Variants in LRRC34 observed in about 807,000 individuals in gnomAD.
The protein encoded by LRRC34 is leucine rich repeat containing 34, also known as leucine-rich repeat-containing protein 34.
A neutral mutation model predicts 48.5 loss-of-function variants in LRRC34; 44 were observed. The ratio of observed to expected loss-of-function variants is 0.91; its 90% CI spans 0.71 to 1.17. The LOEUF is 1.17. LRRC34 is among the 50% of genes most tolerant of loss of function. The pLI is 0.00. For synonymous variants in LRRC34, 192 were observed against 197.6 expected, an observed-to-expected ratio of 0.97 and a Z score of 0.24; for missense variants, 502 against 563.0, an observed-to-expected ratio of 0.89 and a Z score of 1.10.
At chr3:169,795,650 T>A (rs1374334838) in intron 9 of LRRC34, 39 bp from the exon 10 acceptor site, 1 of 1,590,932 alleles carries the variant, frequency 6.3e-7, no homozygotes, top group Non-Finnish European at 8.6e-7. Flanking sequence ...ATACAAAAAT[T>A]AGCAACATTT....
At position 169,808,257 on chromosome 3, in the gene LRRC34, T is replaced by G. The variant is rs193287487; in HGVS notation, c.257+371A>C. Reference sequence around the variant, plus strand: ...TGAACCCAGGAGGCTGAGTTTGCAGTGAGCCGAGATCACGCCACTGCACTC... The same window carrying G: ...TGAACCCAGGAGGCTGAGTTTGCAGGGAGCCGAGATCACGCCACTGCACTC... On this transcript the variant is annotated intron_variant, in intron 2 of 10. Transcript: ENST00000446859. Among the ~76,000 whole-genome samples the G allele has an allele frequency of 2.3e-4, 33 of 144,256 alleles. No homozygotes were observed. The East Asian group carries it at 6.4e-3, about 28-fold the overall frequency. 94.6% of individuals were successfully genotyped at this position (144,256 alleles called of 152,430 possible).
Position 169,812,380 on chromosome 3 carries a change from G to A in LRRC34, c.139+30C>T, listed in dbSNP as rs930668043. Reference sequence around the variant, plus strand: ...CCCCTCGCGCGTTTTGTCTGGGCCAGGCCGCGCAGACGTGCTCCCTACTTC... The same window carrying A: ...CCCCTCGCGCGTTTTGTCTGGGCCAAGCCGCGCAGACGTGCTCCCTACTTC... On this transcript the variant is annotated intron_variant, in intron 1 of 10. Coordinates refer to ENST00000446859, the MANE Select transcript of LRRC34 (RefSeq NM_001172779.2). This position sits in a 1 kb window ranked among gnomAD's most constrained non-coding sequence, Gnocchi z 4.3. 2.5e-5 allele frequency: 38 copies of A among 1,519,112 alleles called. No homozygotes were observed. The African/African-American group carries it at 5.0e-4, about 20-fold the overall frequency. 94.1% of individuals were successfully genotyped at this position (1,519,112 alleles called of 1,614,324 possible). A position where few individuals can be genotyped will look rare whatever the true frequency, so the allele number is the denominator to read the frequency against.
Position 169,793,511 on chromosome 3 carries a change from C to T in LRRC34, c.*124G>A, listed in dbSNP as rs1778868879. The stretch of plus-strand genomic sequence containing the variant: ...ACAGTTATACAAAGTTTAATACAGT[C>T]ATTATCTTTTACACATTTGAAAAAA... On this transcript the variant is annotated 3_prime_UTR_variant, in exon 11 of 11. Coordinates refer to ENST00000446859, the MANE Select transcript of LRRC34 (RefSeq NM_001172779.2). 8.5e-6 allele frequency: 6 copies of T among 702,236 alleles called. No homozygotes were observed. The East Asian group carries it at 1.4e-4, about 16-fold the overall frequency. The allele number at this position is 702,236 out of a possible 1,614,324, so 43.5% of individuals were successfully genotyped here.
chr3:169,796,317 T>G lies in LRRC34; in HGVS notation c.961A>C (p.Asn321His), dbSNP rs1321698401. The change falls in exon 9 of 11, where the codon AAC becomes CAC. Residue 321 changes from asparagine to histidine, a missense_variant. Physicochemically the swap from Asn to His is moderately conservative, Grantham distance 68 (BLOSUM62 1). Coordinates refer to ENST00000446859, the MANE Select transcript of LRRC34 (RefSeq NM_001172779.2). ...AGATCTATTACTTCCAGGGTAGTGT[T>G]GCTTTTCAGTACATCAGCCAAATAC... The part of the protein sequence containing the change: ...MVYLADVLKS[N>H]TTLEVIDLSF... 3.1e-6 allele frequency: 5 copies of G among 1,611,688 alleles called. No individual in the cohort carries two copies. The highest frequency in any genetic ancestry group is 4.2e-6 in the Non-Finnish European group (5 of 1,179,318).
At chr3:169,810,931 G>A (rs1244318891) in intron 1 of LRRC34, among the ~76,000 whole-genome samples, 1 of 152,246 alleles carries the variant, frequency 6.6e-6, no homozygotes, top group African/African-American at 2.4e-5. Context: ...TGGTGTGGTG[G>A]CGCATGCCTG....
At chr3:169,801,775 A>G (rs532289553) in intron 6 of LRRC34, among the ~76,000 whole-genome samples, 5 of 152,238 alleles carry the variant, frequency 3.3e-5, no homozygotes, top group Non-Finnish European at 5.9e-5. Flanking sequence ...GATTTTTGCC[A>G]TATCTCAGTA....
intron 1 of LRRC34, among the ~76,000 whole-genome samples, chr3:169,810,362 T>A (rs1421428833): frequency 6.6e-6 from 1 of 152,212 alleles, no homozygotes; most frequent in East Asian, 1.9e-4. Context: ...ATATTAAGTA[T>A]TTTTTAAACA....
At chr3:169,795,709 G>T (rs1778960915) in intron 9 of LRRC34, 98 bp from the exon 10 acceptor site, 1 of 1,438,434 alleles carries the variant, frequency 7.0e-7, no homozygotes, top group Non-Finnish European at 9.2e-7. Flanking sequence ...TCAGTATGTT[G>T]TAATGTAGTG....
rs760268455 is a variant in LRRC34 at position 169,807,460 on chromosome 3, T to G, written c.410A>C (p.Asp137Ala). 1.9e-5 allele frequency: 31 copies of G among 1,613,828 alleles called. No homozygotes were observed. In the Admixed American group the frequency reaches 2.5e-4, roughly 13 times the overall value. ...TTTCGCAGCATAGTATGCACCAACA[T>G]CACATAGAAGGTTATATCCAACATC... ...GLDVGYNLLCDVGAYYAAKLL... is the reference protein window; with the variant it reads ...GLDVGYNLLCAVGAYYAAKLL... Residue 137 changes from aspartate to alanine, a missense_variant, in exon 4 of 11, where the codon GAT becomes GCT. By Grantham distance (126) the Asp-to-Ala change is moderately radical. Coordinates refer to ENST00000446859, the MANE Select transcript of LRRC34 (RefSeq NM_001172779.2).
chr3:169,810,352 A>G (rs941780232), intron 1 of LRRC34, among the ~76,000 whole-genome samples: 12 of 152,232 alleles, frequency 7.9e-5, no homozygotes, highest in Middle Eastern at 3.2e-3. Flanking sequence ...TTTTATATGC[A>G]TATTAAGTAT....
chr3:169,808,750 A>G lies in LRRC34; in HGVS notation c.140-5T>C, dbSNP rs1313501562. The G allele has an allele frequency of 1.9e-5, 26 of 1,379,898 alleles. No homozygotes were observed. Among genetic ancestry groups the G allele is most frequent in the Non-Finnish European group, 2.7e-5 (26 of 978,134 alleles). 85.5% of individuals were successfully genotyped at this position (1,379,898 alleles called of 1,614,324 possible). A position where few individuals can be genotyped will look rare whatever the true frequency, so the allele number is the denominator to read the frequency against. On this transcript the variant is annotated splice_region_variant and splice_polypyrimidine_tract_variant and intron_variant, in intron 1 of 10. Transcript: ENST00000446859. ...GGAGACCAGATTCTGGAGATTCTGA[A>G]AAATATATGCATCCTCTATCACATA... is the stretch of plus-strand genomic sequence containing the variant.
At position 169,812,661 on chromosome 3, in the gene LRRC34, C is replaced by T. The variant is rs1197000440; in HGVS notation, c.-113G>A. The T allele has an allele frequency of 5.8e-6, 8 of 1,369,816 alleles. No individual in the cohort carries two copies. The highest frequency in any genetic ancestry group is 3.1e-5 in the African/African-American group (2 of 65,032). The allele number at this position is 1,369,816 out of a possible 1,614,324, so 84.9% of individuals were successfully genotyped here. A position where few individuals can be genotyped will look rare whatever the true frequency, so the allele number is the denominator to read the frequency against. On this transcript the variant is annotated 5_prime_UTR_variant, in exon 1 of 11. Coordinates refer to ENST00000446859, the MANE Select transcript of LRRC34 (RefSeq NM_001172779.2). This position sits in a 1 kb window ranked among gnomAD's most constrained non-coding sequence, Gnocchi z 4.3. The stretch of plus-strand genomic sequence containing the variant: ...TGTGCCTGCCCGGGCCCTGAGGCCT[C>T]ACTGCTAAGGCAGTGACCGCCTACT...
chr3:169,812,357 C>A lies in LRRC34; in HGVS notation c.139+53G>T. On this transcript the variant is annotated intron_variant, in intron 1 of 10. Transcript: ENST00000446859. The surrounding 1 kb of genome is among the most constrained non-coding windows in gnomAD (Gnocchi z 4.3). ...ACTCCTGCCGTGCGACCCCGGCGCC[C>A]CTCGCGCGTTTTGTCTGGGCCAGGC... 6.7e-7 allele frequency: 1 copy of A among 1,485,688 alleles called. No homozygotes were observed. The highest frequency in any genetic ancestry group is 8.9e-7 in the Non-Finnish European group (1 of 1,125,150). The allele number at this position is 1,485,688 out of a possible 1,614,324, so 92.0% of individuals were successfully genotyped here.
chr3:169,795,043 T>A (rs957693057), intron 10 of LRRC34: 2 of 152,234 alleles, frequency 1.3e-5, no homozygotes, highest in African/African-American at 4.8e-5. Context: ...ATCTACTTTT[T>A]CCCCCTCGTT....
intron 10 of LRRC34, chr3:169,794,149 G>T: frequency 9.6e-6 from 2 of 208,130 alleles, no homozygotes; most frequent in Non-Finnish European, 9.7e-6. Flanking sequence ...AAGCTCCTAT[G>T]GTCAAAATTT....
Position 169,804,253 on chromosome 3 carries a change from CTG to C in LRRC34, c.529-74_529-73del, listed in dbSNP as rs72252584. On this transcript the variant is annotated intron_variant, in intron 5 of 10. Transcript: ENST00000446859. ...TCTATATATTACATGAATTAGGAGA[CTG>C]TATTACTATTTGCAGACTCCAATTT... is the stretch of plus-strand genomic sequence containing the variant. 13,010 of 1,274,944 alleles carry C rather than the reference CTG, an allele frequency of 0.01. 909 individuals are homozygous for C. In the African/African-American group the frequency reaches 0.17, roughly 16 times the overall value. The allele number at this position is 1,274,944 out of a possible 1,614,324, so 79.0% of individuals were successfully genotyped here. A position where few individuals can be genotyped will look rare whatever the true frequency, so the allele number is the denominator to read the frequency against.
rs1238931067 is a variant in LRRC34 at position 169,795,976 on chromosome 3, A to G, written c.1064+238T>C. 19 of 1,221,336 alleles carry G rather than the reference A, an allele frequency of 1.6e-5. 1 individual carries two copies. Among genetic ancestry groups the G allele is most frequent in the Non-Finnish European group, 2.0e-5 (19 of 972,238 alleles). 75.7% of individuals were successfully genotyped at this position (1,221,336 alleles called of 1,614,324 possible). Reference sequence around the variant, plus strand: ...TTTCTATTAGAATTCAGGATAAGTAATATAAGCAATGCAAATTTTCTCATT... The same window carrying G: ...TTTCTATTAGAATTCAGGATAAGTAGTATAAGCAATGCAAATTTTCTCATT... On this transcript the variant is annotated intron_variant, in intron 9 of 10. Coordinates refer to ENST00000446859, the MANE Select transcript of LRRC34 (RefSeq NM_001172779.2).
chr3:169,808,416 G>GTAC (rs1290874228), intron 2 of LRRC34, among the ~76,000 whole-genome samples: 4 of 151,540 alleles, frequency 2.6e-5, no homozygotes, highest in African/African-American at 9.7e-5. Context: ...CCAAGCTTGG[G>GTAC]TACTCCTGGT....
At chr3:169,807,879 TAAAAC>T (rs1779438234) in intron 2 of LRRC34, 170 bp from the exon 3 acceptor site, 1 of 763,366 alleles carries the variant, frequency 1.3e-6, no homozygotes, top group Non-Finnish European at 1.9e-6. Context: ...CCAGGTAACT[TAAAAC>T]TACTGAACAT....
Sources: gnomAD v4.1 joint callset for allele counts (sites outside exome capture counted in the v4.1 genomes callset) on GRCh38, gnomAD v4.1.1 for gene constraint, Gnocchi (gnomAD v3.1) non-coding constraint, MANE v1.5 for transcripts, NCBI Gene and HGNC (gene_info 2026-07-23, HGNC 2026-07-21) for gene names.